Variants in ACO1 observed in about 807,000 individuals in gnomAD.
ACO1 encodes the protein cytoplasmic aconitate hydratase.
ACO1 carries 78 observed loss-of-function variants against 105.1 expected under a neutral mutation model. The ratio of observed to expected loss-of-function variants is 0.74; its 90% CI spans 0.62 to 0.90. ACO1 has a LOEUF of 0.90. Among genes scored for constraint, ACO1 ranks in the 40% least tolerant of loss-of-function variants. The pLI is 0.00. For missense variants in ACO1, 965 were observed against 1,111.1 expected (o/e 0.87, Z 1.87); for synonymous variants, 364 against 397.4 (o/e 0.92, Z 1.00).
chr9:32,392,864 T>G (rs917109082), intron 1 of ACO1, among the ~76,000 whole-genome samples: 1 of 152,230 alleles, frequency 6.6e-6, no homozygotes. Context: ...TGCCTGTCTC[T>G]ACTGCAATCT....
At chr9:32,391,885 C>T (rs1821274442) in intron 1 of ACO1, among the ~76,000 whole-genome samples, 1 of 152,150 alleles carries the variant, frequency 6.6e-6, no homozygotes, top group South Asian at 2.1e-4. Flanking sequence ...TTGAAAGGTA[C>T]AATTTTGTAT....
chr9:32,418,872 T>C (rs1318866954), intron 6 of ACO1, among the ~76,000 whole-genome samples, 166 bp from the exon 7 acceptor site: 1 of 152,238 alleles, frequency 6.6e-6, no homozygotes, highest in Non-Finnish European at 1.5e-5. Flanking sequence ...TAAAAAATTC[T>C]ATAAAGGAAA....
chr9:32,428,712 C>T (rs1415010529), intron 12 of ACO1, among the ~76,000 whole-genome samples: 1 of 151,962 alleles, frequency 6.6e-6, no homozygotes, highest in East Asian at 1.9e-4. Flanking sequence ...GGCGTGGTGG[C>T]GGGCACCTGT....
intron 19 of ACO1, among the ~76,000 whole-genome samples, chr9:32,448,695 A>G (rs918595131): frequency 1.3e-5 from 2 of 152,100 alleles, no homozygotes; most frequent in African/African-American, 4.8e-5. Flanking sequence ...CCACTGTCCA[A>G]CCAGTCCCAA....
At chr9:32,400,535 G>A (rs1821473896) in intron 1 of ACO1, among the ~76,000 whole-genome samples, 1 of 152,102 alleles carries the variant, frequency 6.6e-6, no homozygotes, top group South Asian at 2.1e-4. Context: ...GGAGCAAAGT[G>A]GACTTTATCT....
Position 32,394,258 on chromosome 9 carries a change from C to T in ACO1, c.-23+9523C>T, listed in dbSNP as rs548096840. Among the ~76,000 whole-genome samples, 15 of 152,298 alleles carry T rather than the reference C, an allele frequency of 9.8e-5. No individual in the cohort carries two copies. The East Asian group carries it at 2.3e-3, about 23-fold the overall frequency. Reference sequence around the variant, plus strand: ...CTGTCCCTAGAGTCCTTTCTCTCCCCCTCTGATGCTCTGATGCTGGATTAG... The same window carrying T: ...CTGTCCCTAGAGTCCTTTCTCTCCCTCTCTGATGCTCTGATGCTGGATTAG... On this transcript the variant is annotated intron_variant, in intron 1 of 20. Coordinates refer to ENST00000309951, the MANE Select transcript of ACO1 (RefSeq NM_002197.3).
At chr9:32,413,157 A>G (rs907054349) in intron 4 of ACO1, among the ~76,000 whole-genome samples, 16 of 152,182 alleles carry the variant, frequency 1.1e-4, no homozygotes, top group African/African-American at 3.9e-4. Flanking sequence ...TAGATTGATA[A>G]CCAAATCTAG....
rs1371786943 is a variant in ACO1 at position 32,439,050 on chromosome 9, A to G, written c.2248-1415A>G. ...GCTTTCTAAGCTGTCAGTGGCTCTCAGCATGGCGTGTTTAATAGAAAAGTC... is the reference window on the plus strand; with the variant it reads ...GCTTTCTAAGCTGTCAGTGGCTCTCGGCATGGCGTGTTTAATAGAAAAGTC... On this transcript the variant is annotated intron_variant, in intron 18 of 20. Coordinates refer to ENST00000309951, the MANE Select transcript of ACO1 (RefSeq NM_002197.3). The surrounding 1 kb of genome is among the most constrained non-coding windows in gnomAD (Gnocchi z 4.0). 6.6e-6 allele frequency among the ~76,000 whole-genome samples: 1 copy of G among 152,216 alleles called. No individual in the cohort carries two copies. The highest frequency in any genetic ancestry group is 1.5e-5 in the Non-Finnish European group (1 of 68,034).
intron 13 of ACO1, among the ~76,000 whole-genome samples, 163 bp downstream of exon 13, chr9:32,429,666 A>C (rs1482275780): frequency 6.6e-6 from 1 of 152,246 alleles, no homozygotes; most frequent in Non-Finnish European, 1.5e-5. Flanking sequence ...ACCTTGGGCA[A>C]GTTAATTAAC....
chr9:32,438,258 AAAGT>A (rs1460542090), intron 18 of ACO1, among the ~76,000 whole-genome samples: 3 of 152,244 alleles, frequency 2.0e-5, no homozygotes, highest in Admixed American at 2.0e-4. Context: ...AAGTGCACTT[AAAGT>A]AATGACACAT....
intron 1 of ACO1, among the ~76,000 whole-genome samples, chr9:32,402,158 C>A (rs1023197647): frequency 2.0e-5 from 3 of 152,218 alleles, no homozygotes; most frequent in Non-Finnish European, 2.9e-5. Flanking sequence ...CACCTTGTAC[C>A]TTAAAAGATA....
At chr9:32,389,405 G>A (rs1311192812) in intron 1 of ACO1, among the ~76,000 whole-genome samples, 2 of 152,078 alleles carry the variant, frequency 1.3e-5, no homozygotes, top group African/African-American at 4.8e-5. Flanking sequence ...GTTTACACCT[G>A]GTATGTTGAG....
intron 1 of ACO1, among the ~76,000 whole-genome samples, chr9:32,393,906 G>A (rs1821318378): frequency 6.6e-6 from 1 of 152,090 alleles, no homozygotes; most frequent in African/African-American, 2.4e-5. Flanking sequence ...ACACCAGTCT[G>A]GCAGCCTTTC....
Position 32,419,166 on chromosome 9 carries a change from A to G in ACO1, c.787A>G (p.Thr263Ala), listed in dbSNP as rs745813050. The change falls in exon 7 of 21, where the codon ACC becomes GCC. Residue 263 changes from threonine to alanine, a missense_variant. Transcript: ENST00000309951. Reference sequence around the variant, plus strand: ...GGTAACATCCACTGACATCGTGCTCACCATTACCAAGGTAACAATGTGCAT... The same window carrying G: ...GGTAACATCCACTGACATCGTGCTCGCCATTACCAAGGTAACAATGTGCAT... ...PLVTSTDIVL[T>A]ITKHLRQVGV... 6.3e-7 allele frequency: 1 copy of G among 1,589,384 alleles called. No individual in the cohort carries two copies. Among genetic ancestry groups the G allele is most frequent in the South Asian group, 1.1e-5 (1 of 87,342 alleles).
chr9:32,453,164 A>G lies in ACO1; in HGVS notation c.*3053A>G, dbSNP rs544551494. The G allele has an allele frequency of 6.6e-6, 1 of 152,034 alleles. No homozygotes were observed. 9.4% of individuals were successfully genotyped at this position (152,034 alleles called of 1,614,324 possible). A position where few individuals can be genotyped will look rare whatever the true frequency, so the allele number is the denominator to read the frequency against. The stretch of plus-strand genomic sequence containing the variant: ...TTTGTTTGGATAGTTTTCCAAATTC[A>G]TTACTGCATTCCTGGCATCCGCAGC... On this transcript the variant is annotated 3_prime_UTR_variant, in exon 21 of 21. Transcript: ENST00000309951.
At chr9:32,430,082 A>G (rs1056791561) in intron 13 of ACO1, among the ~76,000 whole-genome samples, 2 of 152,244 alleles carry the variant, frequency 1.3e-5, no homozygotes, top group African/African-American at 4.8e-5. Flanking sequence ...TACGTATTCT[A>G]TAATTGTGCA....
At position 32,419,117 on chromosome 9, in the gene ACO1, G is replaced by A; in HGVS notation, c.738G>A (p.Arg246=). The change falls in exon 7 of 21, where the codon AGG becomes AGA. Residue 246 remains arginine (R), a synonymous_variant. Transcript: ENST00000309951. ...SMVLPQVIGY[R]LMGKPHPLVT... ...TGCTTCCTCAGGTGATTGGCTACAG[G>A]CTGATGGGGAAGCCCCACCCTCTGG... 1 of 1,609,014 alleles carries A rather than the reference G, an allele frequency of 6.2e-7. No individual in the cohort carries two copies. Among genetic ancestry groups the A allele is most frequent in the Non-Finnish European group, 8.5e-7 (1 of 1,177,532 alleles).
At chr9:32,440,990 G>A (rs944066874) in intron 19 of ACO1, among the ~76,000 whole-genome samples, 1 of 152,208 alleles carries the variant, frequency 6.6e-6, no homozygotes, top group Non-Finnish European at 1.5e-5. Flanking sequence ...TCAGGAATAA[G>A]CCAGGGCCAT....
chr9:32,446,983 C>G (rs1178152075), intron 19 of ACO1, among the ~76,000 whole-genome samples: 2 of 152,132 alleles, frequency 1.3e-5, no homozygotes, highest in Non-Finnish European at 2.9e-5. Context: ...TTGTGGGTAA[C>G]CCGACCTTTC....
Sources: gnomAD v4.1 joint callset for allele counts (sites outside exome capture counted in the v4.1 genomes callset) on GRCh38, gnomAD v4.1.1 for gene constraint, Gnocchi (gnomAD v3.1) non-coding constraint, MANE v1.5 for transcripts, NCBI Gene and HGNC (gene_info 2026-07-23, HGNC 2026-07-21) for gene names.